TMEM132D: variants seen among roughly 807,000 people sequenced by gnomAD.
The protein encoded by TMEM132D is mature OL transmembrane protein.
In TMEM132D, 21 loss-of-function variants were observed where a neutral mutation model predicts 62.3. The observed-to-expected ratio is 0.34, with a 90% CI of 0.24 to 0.49. The LOEUF (loss-of-function observed/expected upper bound fraction) is 0.49. TMEM132D is among the 20% of genes least tolerant of loss of function. The pLI, the probability that TMEM132D is intolerant of heterozygous loss-of-function variation, is 0.99. For missense variants in TMEM132D, 1,346 were observed against 1,402.8 expected (o/e 0.96, Z 0.65); for synonymous variants, 621 against 575.6 (o/e 1.08, Z -1.13).
intron 3 of TMEM132D, among the ~76,000 whole-genome samples, chr12:129,392,493 T>C (rs1415462614): frequency 1.3e-5 from 2 of 152,156 alleles, no homozygotes; most frequent in Non-Finnish European, 2.9e-5. Flanking sequence ...GAGATTCTGG[T>C]CTCATGGGCC....
chr12:129,428,216 T>C (rs1872553898), intron 3 of TMEM132D, among the ~76,000 whole-genome samples: 1 of 152,224 alleles, frequency 6.6e-6, no homozygotes, highest in African/African-American at 2.4e-5. Context: ...TTGGATACTT[T>C]AAAAGTTATT....
At chr12:129,423,883 T>G (rs1456283931) in intron 3 of TMEM132D, among the ~76,000 whole-genome samples, 1 of 152,200 alleles carries the variant, frequency 6.6e-6, no homozygotes, top group Non-Finnish European at 1.5e-5. Flanking sequence ...ATTTCATTAA[T>G]GACAAAGAAA....
At chr12:129,819,730 C>A (rs947022895) in intron 1 of TMEM132D, among the ~76,000 whole-genome samples, 1 of 152,138 alleles carries the variant, frequency 6.6e-6, no homozygotes, top group African/African-American at 2.4e-5. Context: ...GCTGGTACTG[C>A]TGTTCGTGTT....
intron 5 of TMEM132D, among the ~76,000 whole-genome samples, chr12:129,096,311 C>T (rs546554157): frequency 5.9e-5 from 9 of 152,086 alleles, no homozygotes; most frequent in African/African-American, 1.7e-4. Context: ...ACAGTGGGAT[C>T]GTGAGGTCTC....
chr12:129,249,234 T>G (rs1012714866), intron 4 of TMEM132D, among the ~76,000 whole-genome samples: 3 of 152,188 alleles, frequency 2.0e-5, no homozygotes, highest in African/African-American at 7.2e-5. Flanking sequence ...GAATTGTAAA[T>G]TTAAAAAATC....
intron 1 of TMEM132D, among the ~76,000 whole-genome samples, chr12:129,884,382 A>G (rs1266705210): frequency 2.7e-4 from 41 of 152,240 alleles, no homozygotes; most frequent in Admixed American, 2.6e-3. Flanking sequence ...TGTCTACAAA[A>G]TAAACAAACA....
intron 4 of TMEM132D, among the ~76,000 whole-genome samples, chr12:129,310,773 G>A (rs1327406045): frequency 1.3e-5 from 2 of 152,106 alleles, no homozygotes; most frequent in African/African-American, 4.8e-5. Flanking sequence ...GAAGGAATTG[G>A]ACCCCAATTT....
At chr12:129,528,917 T>C (rs536829714) in intron 3 of TMEM132D, among the ~76,000 whole-genome samples, 26 of 152,350 alleles carry the variant, frequency 1.7e-4, no homozygotes, top group African/African-American at 5.5e-4. Context: ...CCTCAACACA[T>C]TTGTCTATCA....
At chr12:129,429,786 C>T (rs1242458555) in intron 3 of TMEM132D, among the ~76,000 whole-genome samples, 1 of 144,402 alleles carries the variant, frequency 6.9e-6, no homozygotes, top group Non-Finnish European at 1.5e-5. Flanking sequence ...TCCCTGTGTC[C>T]ATGTGTTCTC....
rs1181990471 is a variant in TMEM132D at position 129,700,580 on chromosome 12, G to A, written c.198C>T (p.Asn66=). 4 of 1,613,998 alleles carry A rather than the reference G, an allele frequency of 2.5e-6. No individual in the cohort carries two copies. Among genetic ancestry groups the A allele is most frequent in the East Asian group, 4.5e-5 (2 of 44,856 alleles). ...ADVSFFLKEA[N]QDIMRNSSLQ... ...GGCTGGAGTTCCTCATGATATCCTGGTTGGCCTCCTTCAGGAAGAAGGAGA... is the reference window on the plus strand; with the variant it reads ...GGCTGGAGTTCCTCATGATATCCTGATTGGCCTCCTTCAGGAAGAAGGAGA... The change falls in exon 2 of 9, where the codon AAC becomes AAT. Residue 66 remains asparagine (N), a synonymous_variant. Coordinates refer to ENST00000422113, the MANE Select transcript of TMEM132D (RefSeq NM_133448.3).
At chr12:129,605,478 A>T (rs1044494044) in intron 2 of TMEM132D, among the ~76,000 whole-genome samples, 4 of 151,702 alleles carry the variant, frequency 2.6e-5, no homozygotes, top group Non-Finnish European at 5.9e-5. Context: ...TCTCCTGAAT[A>T]GTACTTGAAT....
chr12:129,177,924 C>T (rs1349622353), intron 5 of TMEM132D, among the ~76,000 whole-genome samples: 3 of 152,194 alleles, frequency 2.0e-5, no homozygotes, highest in Non-Finnish European at 4.4e-5. Flanking sequence ...TGCCTCCTCC[C>T]TCTGCACCCT....
intron 2 of TMEM132D, among the ~76,000 whole-genome samples, chr12:129,635,359 C>T (rs145700432): frequency 6.6e-6 from 1 of 152,172 alleles, no homozygotes; most frequent in Non-Finnish European, 1.5e-5. Context: ...ACACAAACAA[C>T]AAACAGACAA....
At chr12:129,176,220 G>GTATC (rs1877901183) in intron 5 of TMEM132D, among the ~76,000 whole-genome samples, 1 of 152,176 alleles carries the variant, frequency 6.6e-6, no homozygotes, top group South Asian at 2.1e-4. Flanking sequence ...TTGCCACCAG[G>GTATC]TATCTGCTCA....
intron 5 of TMEM132D, among the ~76,000 whole-genome samples, chr12:129,117,617 C>T (rs1031291069): frequency 7.2e-5 from 11 of 152,138 alleles, no homozygotes; most frequent in Non-Finnish European, 1.3e-4. Flanking sequence ...CAGCCTTTCT[C>T]CTGGGGCTGC....
chr12:129,160,313 G>A (rs1877365788), intron 5 of TMEM132D, among the ~76,000 whole-genome samples: 1 of 152,364 alleles, frequency 6.6e-6, no homozygotes, highest in Non-Finnish European at 1.5e-5. Context: ...TTGGGAAGTG[G>A]CATGTGGCCC....
intron 5 of TMEM132D, chr12:129,113,299 C>G (rs1183174865): frequency 6.6e-6 from 1 of 152,196 alleles, no homozygotes; most frequent in Non-Finnish European, 1.5e-5. Flanking sequence ...CCTGGCAATA[C>G]TCAATGTCTC....
chr12:129,591,540 G>GT (rs11463425), intron 2 of TMEM132D, among the ~76,000 whole-genome samples: 52,976 of 147,558 alleles, frequency 0.36, 10,922 homozygotes, highest in East Asian at 0.6. Flanking sequence ...TGGCTTTTGG[G>GT]TTTTTTTTTT....
chr12:129,729,691 T>A (rs1869158152), intron 1 of TMEM132D, among the ~76,000 whole-genome samples: 1 of 152,234 alleles, frequency 6.6e-6, no homozygotes, highest in Non-Finnish European at 1.5e-5. Flanking sequence ...TCTTTGATCA[T>A]GAGTAGAGCT....
Sources: allele counts gnomAD v4.1 joint callset (sites outside exome capture counted in the v4.1 genomes callset), GRCh38; gene constraint gnomAD v4.1.1; transcripts MANE v1.5; gene names NCBI Gene and HGNC (gene_info 2026-07-23, HGNC 2026-07-21).